The following GLCCI1 variants were observed in gnomAD, a reference collection of about 807,000 sequenced individuals.
GLCCI1 encodes glucocorticoid induced 1.
In GLCCI1, 24 loss-of-function variants were observed where a neutral mutation model predicts 52.2. The observed-to-expected ratio is 0.46, with a 90% confidence interval of 0.33 to 0.65. The LOEUF (loss-of-function observed/expected upper bound fraction) is 0.65. Ranked by LOEUF, GLCCI1 falls within the 30% of genes least tolerant of loss-of-function variation. GLCCI1 has a pLI of 0.02. For synonymous variants in GLCCI1, 310 were observed against 276.5 expected (o/e 1.12, Z -1.20); for missense variants, 704 against 701.5 (o/e 1.00, Z -0.04).
At chr7:8,079,713 C>A (rs778957019) in intron 6 of GLCCI1, among the ~76,000 whole-genome samples, 1 of 151,350 alleles carries the variant, frequency 6.6e-6, no homozygotes, top group East Asian at 1.9e-4. Context: ...CAATTTAATT[C>A]ATACTTATGG....
intron 2 of GLCCI1, among the ~76,000 whole-genome samples, chr7:8,016,241 G>A (rs1163395228): frequency 6.6e-6 from 1 of 152,184 alleles, no homozygotes; most frequent in Non-Finnish European, 1.5e-5. Context: ...AGACCGAGGT[G>A]GGCAGATCAT....
At chr7:8,044,438 G>A (rs1019384725) in intron 3 of GLCCI1, among the ~76,000 whole-genome samples, 13 of 150,484 alleles carry the variant, frequency 8.6e-5, no homozygotes, top group Admixed American at 4.0e-4. Flanking sequence ...GTGTGATGTC[G>A]GCTCACTGCG....
At chr7:8,003,788 G>C in intron 1 of GLCCI1, 120 bp from the exon 2 acceptor site, 2 of 792,204 alleles carry the variant, frequency 2.5e-6, no homozygotes, top group Non-Finnish European at 3.9e-6. Flanking sequence ...AGGGCTATTA[G>C]TGTAAATATA....
intron 3 of GLCCI1, among the ~76,000 whole-genome samples, chr7:8,052,175 T>G (rs1782272466): frequency 6.6e-6 from 1 of 152,156 alleles, no homozygotes; most frequent in African/African-American, 2.4e-5. Flanking sequence ...GCCTGAGTAT[T>G]CTGCTAAGGC....
chr7:8,027,595 G>T (rs1409352602), intron 3 of GLCCI1, among the ~76,000 whole-genome samples: 1 of 151,710 alleles, frequency 6.6e-6, no homozygotes, highest in Non-Finnish European at 1.5e-5. Flanking sequence ...TAATAAAATG[G>T]CAGGAGTAAG....
intron 5 of GLCCI1, among the ~76,000 whole-genome samples, chr7:8,067,963 C>T (rs1461856825): frequency 1.3e-5 from 2 of 152,110 alleles, no homozygotes; most frequent in Non-Finnish European, 2.9e-5. Flanking sequence ...TGCTTGCTTT[C>T]TCCTCATCAT....
intron 1 of GLCCI1, among the ~76,000 whole-genome samples, chr7:7,990,429 A>G (rs1780815510): frequency 6.6e-6 from 1 of 152,102 alleles, no homozygotes; most frequent in Non-Finnish European, 1.5e-5. Flanking sequence ...GCTATTTTAG[A>G]AAATAAAGCA....
chr7:8,064,662 C>G (rs1011487507), intron 5 of GLCCI1, among the ~76,000 whole-genome samples: 5 of 152,110 alleles, frequency 3.3e-5, no homozygotes, highest in African/African-American at 1.2e-4. Context: ...TTGATGGGAA[C>G]AGCATTGAAT....
At chr7:8,060,452 A>G (rs1782488825) in intron 5 of GLCCI1, among the ~76,000 whole-genome samples, 1 of 152,184 alleles carries the variant, frequency 6.6e-6, no homozygotes, top group Non-Finnish European at 1.5e-5. Context: ...TCATCACCCC[A>G]AAAAGAAACA....
intron 1 of GLCCI1, among the ~76,000 whole-genome samples, chr7:7,977,743 G>A (rs1453358411): frequency 6.6e-6 from 1 of 152,156 alleles, no homozygotes; most frequent in South Asian, 2.1e-4. Context: ...TTTATTTATT[G>A]AGCCTTTATG....
chr7:8,003,299 A>G (rs573425740), intron 1 of GLCCI1, among the ~76,000 whole-genome samples: 2 of 152,340 alleles, frequency 1.3e-5, no homozygotes, highest in African/African-American at 2.4e-5. Flanking sequence ...GAGTTTGTCA[A>G]GTAAACAAGA....
At chr7:7,980,140 C>T (rs1242605648) in intron 1 of GLCCI1, among the ~76,000 whole-genome samples, 5 of 152,168 alleles carry the variant, frequency 3.3e-5, no homozygotes, top group Non-Finnish European at 7.3e-5. Context: ...AGTGATCCAC[C>T]TGCCTTGGCC....
At chr7:8,043,368 G>A (rs535103654) in intron 3 of GLCCI1, among the ~76,000 whole-genome samples, 59 of 150,986 alleles carry the variant, frequency 3.9e-4, no homozygotes, top group Non-Finnish European at 6.6e-4. Context: ...GTATAGAGTA[G>A]GTTTGACTAT....
intron 3 of GLCCI1, among the ~76,000 whole-genome samples, chr7:8,031,746 A>C (rs1272236173): frequency 1.3e-5 from 2 of 152,018 alleles, no homozygotes; most frequent in Non-Finnish European, 2.9e-5. Context: ...GACTGAAAGC[A>C]AAAAGATGGG....
At chr7:8,001,023 A>G (rs1781040730) in intron 1 of GLCCI1, among the ~76,000 whole-genome samples, 1 of 152,206 alleles carries the variant, frequency 6.6e-6, no homozygotes, top group South Asian at 2.1e-4. Flanking sequence ...TAATTGGGGC[A>G]TTTAGCCCAT....
chr7:8,085,926 TAATTAAAA>T (rs1307543746), intron 7 of GLCCI1, among the ~76,000 whole-genome samples: 15 of 152,214 alleles, frequency 9.9e-5, no homozygotes, highest in Non-Finnish European at 8.8e-5. Context: ...CCTTCCTAAA[TAATTAAAA>T]GCAAACTAAT....
At chr7:8,035,163 C>G (rs535748750) in intron 3 of GLCCI1, among the ~76,000 whole-genome samples, 1 of 152,282 alleles carries the variant, frequency 6.6e-6, no homozygotes, top group East Asian at 1.9e-4. Context: ...AGTGGTCTCT[C>G]CCTCAGGGAG....
At chr7:7,981,115 T>A (rs1780604685) in intron 1 of GLCCI1, 1 of 467,444 alleles carries the variant, frequency 2.1e-6, no homozygotes, top group Non-Finnish European at 4.2e-6. Context: ...TCCGGAAAAA[T>A]CTGTGTATGC....
At chr7:8,045,924 C>T (rs1782113639) in intron 3 of GLCCI1, among the ~76,000 whole-genome samples, 1 of 148,506 alleles carries the variant, frequency 6.7e-6, no homozygotes, top group Non-Finnish European at 1.5e-5. Context: ...TAAGTAGCCT[C>T]ATTTACATCT....
Sources: allele counts gnomAD v4.1 joint callset (sites outside exome capture counted in the v4.1 genomes callset), GRCh38; gene constraint gnomAD v4.1.1; transcripts MANE v1.5; gene names NCBI Gene and HGNC (gene_info 2026-07-23, HGNC 2026-07-21).